RGS5: variants seen among roughly 807,000 people sequenced by gnomAD.
The protein encoded by RGS5 is regulator of G protein signaling 5, also known as regulator of G-protein signalling 5.
A neutral mutation model predicts 18.9 loss-of-function variants in RGS5; 20 were observed. The observed-to-expected ratio is 1.06, with a 90% CI of 0.74 to 1.54. RGS5 has a LOEUF of 1.54. Ranked by LOEUF, RGS5 falls within the 40% of genes most tolerant of loss-of-function variation. The probability of loss-of-function intolerance (pLI) is 0.00; values close to 1 mark genes in which losing one functional copy is unlikely to be tolerated. For synonymous variants in RGS5, 57 were observed against 76.2 expected (o/e 0.75, Z 1.31); for missense variants, 201 against 211.8 (o/e 0.95, Z 0.32).
At chr1:163,297,796 A>G (rs951282176) in intron 2 of RGS5, among the ~76,000 whole-genome samples, 3 of 152,216 alleles carry the variant, frequency 2.0e-5, no homozygotes, top group African/African-American at 7.2e-5. Context: ...AACAAGAAAC[A>G]AAATGAAATA....
chr1:163,254,832 T>G (rs1648224880), intron 2 of RGS5, among the ~76,000 whole-genome samples: 1 of 151,584 alleles, frequency 6.6e-6, no homozygotes, highest in Non-Finnish European at 1.5e-5. Context: ...GTATAAGGTG[T>G]AAGGAAGGGA....
chr1:163,277,807 T>C (rs1198200803), intron 2 of RGS5, among the ~76,000 whole-genome samples: 1 of 152,082 alleles, frequency 6.6e-6, no homozygotes, highest in Non-Finnish European at 1.5e-5. Context: ...AAATGAGAAA[T>C]TCAATGAAAA....
chr1:163,278,154 C>A (rs112536390), intron 2 of RGS5, among the ~76,000 whole-genome samples: 1 of 152,004 alleles, frequency 6.6e-6, no homozygotes, highest in Non-Finnish European at 1.5e-5. Context: ...CATCCAGATA[C>A]AGGAAGCTTA....
At chr1:163,156,651 G>A (rs921130453) in intron 3 of RGS5, among the ~76,000 whole-genome samples, 8 of 152,066 alleles carry the variant, frequency 5.3e-5, no homozygotes, top group Admixed American at 3.3e-4. Context: ...AGAGGTTCCC[G>A]CAGAAATAAG....
chr1:163,256,603 C>A (rs1342694044), intron 2 of RGS5, among the ~76,000 whole-genome samples: 3 of 152,156 alleles, frequency 2.0e-5, no homozygotes, highest in Non-Finnish European at 4.4e-5. Flanking sequence ...AGGAACTTCA[C>A]AAAGAAAAGT....
intron 2 of RGS5, among the ~76,000 whole-genome samples, chr1:163,277,962 T>C (rs1307918118): frequency 2.0e-5 from 3 of 151,680 alleles, no homozygotes; most frequent in African/African-American, 7.3e-5. Context: ...TCTTTTGAAA[T>C]AACCCAGACA....
chr1:163,143,159 T>A lies in RGS5; in HGVS notation c.*4183A>T, dbSNP rs1051330242. The A allele has an allele frequency of 1.3e-5, 2 of 152,218 alleles. No homozygotes were observed. Among genetic ancestry groups the A allele is most frequent in the Admixed American group, 1.3e-4 (2 of 15,268 alleles). The allele number at this position is 152,218 out of a possible 1,614,324, so 9.4% of individuals were successfully genotyped here. The stretch of plus-strand genomic sequence containing the variant: ...GCCTCAGAACCTATTTGGTGAAAAG[T>A]GTGTTTAACACAAACAGTAGCTGCT... On this transcript the variant is annotated 3_prime_UTR_variant, in exon 5 of 5. Coordinates refer to ENST00000313961, the MANE Select transcript of RGS5 (RefSeq NM_003617.4).
chr1:163,160,994 G>A (rs1557883382), intron 3 of RGS5, among the ~76,000 whole-genome samples: 1 of 152,148 alleles, frequency 6.6e-6, no homozygotes, highest in Non-Finnish European at 1.5e-5. Flanking sequence ...AGAACATAAG[G>A]CAGCAAGTAT....
chr1:163,226,455 C>A (rs143796637), intron 2 of RGS5, among the ~76,000 whole-genome samples: 2 of 152,176 alleles, frequency 1.3e-5, no homozygotes, highest in South Asian at 2.1e-4. Flanking sequence ...GTAGCCCATA[C>A]CTTTGAGGAG....
chr1:163,213,049 C>G (rs2101672638), intron 1 of RGS5: 1 of 152,124 alleles, frequency 6.6e-6, no homozygotes, highest in Non-Finnish European at 1.5e-5. Flanking sequence ...TTTTAATTTT[C>G]TTTACTTGTA....
intron 2 of RGS5, among the ~76,000 whole-genome samples, chr1:163,268,858 G>T (rs1000768525): frequency 1.3e-5 from 2 of 152,016 alleles, no homozygotes; most frequent in Non-Finnish European, 2.9e-5. Context: ...TTATTTTTAG[G>T]AATTTGTTAG....
At chr1:163,208,518 TAAAAAAAAAA>T (rs55700806) in intron 1 of RGS5, among the ~76,000 whole-genome samples, 2,753 of 14,512 alleles carry the variant, frequency 0.19, 91 homozygotes, top group Admixed American at 0.28. Context: ...CCACCTCCAT[TAAAAAAAAAA>T]AAAAAAAAAA....
intron 2 of RGS5, among the ~76,000 whole-genome samples, chr1:163,249,748 G>A (rs542322245): frequency 2.6e-5 from 4 of 152,224 alleles, no homozygotes; most frequent in African/African-American, 7.2e-5. Context: ...CTGAGATCAC[G>A]CCACCGCACT....
At chr1:163,235,618 C>T (rs1647603122) in intron 2 of RGS5, among the ~76,000 whole-genome samples, 1 of 152,148 alleles carries the variant, frequency 6.6e-6, no homozygotes, top group African/African-American at 2.4e-5. Context: ...CTTGATTCTA[C>T]CCTCTGGAAC....
chr1:163,246,589 A>AAAAAC (rs567910403), intron 2 of RGS5, among the ~76,000 whole-genome samples: 31 of 152,238 alleles, frequency 2.0e-4, no homozygotes, highest in Non-Finnish European at 3.5e-4. Context: ...AAAACAAAAC[A>AAAAAC]AAAACAAAAC....
At chr1:163,162,235 C>T (rs1657831732) in intron 2 of RGS5, among the ~76,000 whole-genome samples, 1 of 152,040 alleles carries the variant, frequency 6.6e-6, no homozygotes. Context: ...AAGTAGAGTT[C>T]GTTTGACATT....
At chr1:163,260,094 A>G (rs1350567358) in intron 2 of RGS5, 1 of 152,226 alleles carries the variant, frequency 6.6e-6, no homozygotes, top group Non-Finnish European at 1.5e-5. Flanking sequence ...TGTATGTAAT[A>G]CAGGGATATA....
intron 2 of RGS5, among the ~76,000 whole-genome samples, chr1:163,227,714 A>C (rs1458949439): frequency 2.6e-5 from 4 of 152,126 alleles, no homozygotes; most frequent in Admixed American, 1.3e-4. Flanking sequence ...GAGACAAGGC[A>C]AGTCCCTTCC....
chr1:163,195,932 C>G (rs1340311208), intron 1 of RGS5, among the ~76,000 whole-genome samples: 1 of 152,148 alleles, frequency 6.6e-6, no homozygotes, highest in Non-Finnish European at 1.5e-5. Flanking sequence ...TCCCAAAGTT[C>G]ACACAGTAAG....
Sources: gnomAD v4.1 joint callset for allele counts (sites outside exome capture counted in the v4.1 genomes callset) on GRCh38, gnomAD v4.1.1 for gene constraint, MANE v1.5 for transcripts, NCBI Gene and HGNC (gene_info 2026-07-23, HGNC 2026-07-21) for gene names.